The following KLHL5 variants were observed in gnomAD, a reference collection of about 807,000 sequenced individuals.
The protein encoded by KLHL5 is kelch-like protein 5.
KLHL5 carries 48 observed loss-of-function variants against 77.7 expected under a neutral mutation model. The ratio of observed to expected loss-of-function variants is 0.62; its 90% CI spans 0.49 to 0.79. KLHL5 has a LOEUF of 0.79. Ranked by LOEUF, KLHL5 falls within the 30% of genes least tolerant of loss-of-function variation. The pLI, the probability that KLHL5 is intolerant of heterozygous loss-of-function variation, is 0.00. For synonymous variants in KLHL5, 260 were observed against 297.0 expected, an observed-to-expected ratio of 0.88 and a Z score of 1.28; for missense variants, 723 against 859.7, an observed-to-expected ratio of 0.84 and a Z score of 1.99.
At chr4:39,117,051 G>A (rs1404221373) in intron 10 of KLHL5, among the ~76,000 whole-genome samples, 1 of 152,114 alleles carries the variant, frequency 6.6e-6, no homozygotes, top group African/African-American at 2.4e-5. Context: ...TGGCCAGGCT[G>A]GTCTCAAACT....
chr4:39,105,923 C>T (rs1722000623), intron 7 of KLHL5, among the ~76,000 whole-genome samples: 1 of 152,070 alleles, frequency 6.6e-6, no homozygotes, highest in Admixed American at 6.6e-5. Context: ...TACAGGGGTT[C>T]TTTTGGCCCC....
rs1370688460 is a variant in KLHL5, at chr4:39,123,447, G to A, written c.*2381G>A. ...ACCAATATCCCTTATGAATATAGATGCAAAAAAACTTCAAAATACTAGCAG... is the reference window on the plus strand; with the variant it reads ...ACCAATATCCCTTATGAATATAGATACAAAAAAACTTCAAAATACTAGCAG... On this transcript the variant is annotated 3_prime_UTR_variant, in exon 11 of 11. Transcript: ENST00000504108. 6.6e-6 allele frequency among the ~76,000 whole-genome samples: 1 copy of A among 152,146 alleles called. No individual in the cohort carries two copies. The highest frequency in any genetic ancestry group is 2.4e-5 in the African/African-American group (1 of 41,424).
At chr4:39,045,254 C>T (rs1380587724) in intron 1 of KLHL5, among the ~76,000 whole-genome samples, 1 of 150,360 alleles carries the variant, frequency 6.7e-6, no homozygotes, top group South Asian at 2.1e-4. Flanking sequence ...GCCCTCGGGT[C>T]CGGAGGGGCT....
downstream of KLHL5, chr4:39,126,670 A>T (rs1027054975): frequency 2.9e-5 from 13 of 452,802 alleles, no homozygotes; most frequent in Non-Finnish European, 5.8e-5. Context: ...CTTTGTGGAT[A>T]ATAAACAATT....
At chr4:39,112,735 A>G in intron 8 of KLHL5, 1 of 360,384 alleles carries the variant, frequency 2.8e-6, no homozygotes, top group Non-Finnish European at 5.1e-6. Context: ...ATTTCCATGC[A>G]TATTACAACC....
Position 39,062,246 on chromosome 4 carries a change from A to G in KLHL5, c.-407A>G. On this transcript the variant is annotated 5_prime_UTR_variant, in exon 1 of 11. It adds an upstream start codon to the 5' untranslated region. Coordinates refer to ENST00000504108, the MANE Select transcript of KLHL5 (RefSeq NM_015990.5). ...GAGACTGAGATACTGCAACGGGGATAGTGTTTTCTGTCTCTGTCATTTGTG... is the reference window on the plus strand; with the variant it reads ...GAGACTGAGATACTGCAACGGGGATGGTGTTTTCTGTCTCTGTCATTTGTG... 1 of 1,263,560 alleles carries G rather than the reference A, an allele frequency of 7.9e-7. No homozygotes were observed. Among genetic ancestry groups the G allele is most frequent in the Non-Finnish European group, 1.0e-6 (1 of 1,001,908 alleles). 78.3% of individuals were successfully genotyped at this position (1,263,560 alleles called of 1,614,324 possible). A position where few individuals can be genotyped will look rare whatever the true frequency, so the allele number is the denominator to read the frequency against.
At chr4:39,129,867 T>G (rs1723730031), downstream of KLHL5, among the ~76,000 whole-genome samples, 1 of 152,186 alleles carries the variant, frequency 6.6e-6, no homozygotes, top group Non-Finnish European at 1.5e-5. The surrounding 1 kb of genome is among the most constrained non-coding windows in gnomAD (Gnocchi z 4.2). Context: ...AGCTCCAGTA[T>G]TCACTAAGGT....
chr4:39,077,584 T>A (rs1035206899), intron 2 of KLHL5, among the ~76,000 whole-genome samples: 3 of 151,718 alleles, frequency 2.0e-5, no homozygotes, highest in Non-Finnish European at 2.9e-5. Context: ...AAATAATCAA[T>A]GTTGGCATAG....
chr4:39,081,363 C>G lies in KLHL5; in HGVS notation c.703+124C>G. The stretch of plus-strand genomic sequence containing the variant: ...TAGTTCTGCTATTGTCATTACTACC[C>G]TTTGTATTTAACCTGGTGATGAATT... On this transcript the variant is annotated intron_variant, in intron 3 of 10. Coordinates refer to ENST00000504108, the MANE Select transcript of KLHL5 (RefSeq NM_015990.5). The surrounding 1 kb of genome is among the most constrained non-coding windows in gnomAD (Gnocchi z 4.3). The G allele has an allele frequency of 1.5e-6, 1 of 668,412 alleles. No homozygotes were observed. Among genetic ancestry groups the G allele is most frequent in the Non-Finnish European group, 2.3e-6 (1 of 439,380 alleles). 41.4% of individuals were successfully genotyped at this position (668,412 alleles called of 1,614,324 possible).
chr4:39,127,081 A>G (rs967104243), downstream of KLHL5, among the ~76,000 whole-genome samples: 2 of 152,238 alleles, frequency 1.3e-5, no homozygotes, highest in South Asian at 2.1e-4. Context: ...CACACCTGCA[A>G]TCCCAGCACT....
chr4:39,103,236 C>A, intron 6 of KLHL5, 51 bp from the exon 7 acceptor site: 2 of 1,263,304 alleles, frequency 1.6e-6, no homozygotes, highest in South Asian at 2.7e-5. Flanking sequence ...CATAAAATTA[C>A]CAATCATGGT....
chr4:39,064,618 A>G lies in KLHL5; in HGVS notation c.383+1583A>G, dbSNP rs1165819907. Among the ~76,000 whole-genome samples the G allele has an allele frequency of 4.6e-5, 7 of 152,144 alleles. No individual in the cohort carries two copies. In the East Asian group the frequency reaches 1.3e-3, roughly 29 times the overall value. On this transcript the variant is annotated intron_variant, in intron 1 of 10. Transcript: ENST00000504108. ...AATATAAAATTTTTATACATGTGTA[A>G]TCTTGGAAAAATTATACACACATTG...
In KLHL5 at chr4:39,069,453, TATATATATATATATATATATACACACAC is replaced by T. The variant is rs1218156920; in HGVS notation, c.383+6420_383+6447del. Among the ~76,000 whole-genome samples the T allele has an allele frequency of 1.7e-3, 87 of 52,404 alleles. 1 individual carries two copies. The highest frequency in any genetic ancestry group is 8.2e-3 in the African/African-American group (83 of 10,120). 34.4% of individuals were successfully genotyped at this position (52,404 alleles called of 152,430 possible). ...TTTTATATATATATATATATATATA[TATATATATATATATATATATACACACAC>T]ACACACACACACACACACACATACA... On this transcript the variant is annotated intron_variant, in intron 1 of 10. Transcript: ENST00000504108.
intron 1 of KLHL5, among the ~76,000 whole-genome samples, chr4:39,045,390 G>C (rs1454383610): frequency 6.6e-6 from 1 of 151,848 alleles, no homozygotes; most frequent in Admixed American, 6.5e-5. Flanking sequence ...AGTTGTGGAC[G>C]CGGTGCTGGT....
At chr4:39,072,209 T>C (rs1006475057) in intron 1 of KLHL5, among the ~76,000 whole-genome samples, 146 of 145,462 alleles carry the variant, frequency 1.0e-3, no homozygotes, top group African/African-American at 3.9e-3. Flanking sequence ...TTACAGGCCT[T>C]CCCATTGGCC....
At chr4:39,058,990 C>T (rs1336828884), upstream of KLHL5, among the ~76,000 whole-genome samples, 1 of 152,000 alleles carries the variant, frequency 6.6e-6, no homozygotes, top group African/African-American at 2.4e-5. Context: ...AATGATGAGT[C>T]TAATTTACAG....
At chr4:39,138,261 C>T in the KLHL5 span, among the ~76,000 whole-genome samples, 1 of 152,096 alleles carries the variant, frequency 6.6e-6, no homozygotes, top group African/African-American at 2.4e-5. Flanking sequence ...GGTATATACT[C>T]GAAGGAACAG....
chr4:39,094,681 A>G (rs1030429036), intron 5 of KLHL5, among the ~76,000 whole-genome samples: 1 of 151,992 alleles, frequency 6.6e-6, no homozygotes, highest in Non-Finnish European at 1.5e-5. Context: ...TAAAGAATAA[A>G]AAAAAACAAA....
At chr4:39,099,624 C>T (rs1170144620) in intron 6 of KLHL5, among the ~76,000 whole-genome samples, 7 of 152,178 alleles carry the variant, frequency 4.6e-5, no homozygotes, top group African/African-American at 1.2e-4. Context: ...GCTCTGCCCC[C>T]GGATATTGAA....
Sources: allele counts gnomAD v4.1 joint callset (sites outside exome capture counted in the v4.1 genomes callset), GRCh38; gene constraint gnomAD v4.1.1; non-coding constraint Gnocchi (gnomAD v3.1); transcripts MANE v1.5; gene names NCBI Gene and HGNC (gene_info 2026-07-23, HGNC 2026-07-21).